Variants in RIMS1 observed in about 807,000 individuals in gnomAD.
RIMS1 encodes the protein regulating synaptic membrane exocytosis protein 1.
RIMS1 carries 83 observed loss-of-function variants against 214.1 expected under a neutral mutation model. The ratio of observed to expected loss-of-function variants is 0.39; its 90% confidence interval spans 0.32 to 0.47. The LOEUF (loss-of-function observed/expected upper bound fraction) is 0.47, where lower values mean the gene tolerates loss of function less well. RIMS1 is among the 20% of genes least tolerant of loss of function. RIMS1 has a pLI of 0.99. For missense variants in RIMS1, 2,050 were observed against 2,161.8 expected (o/e 0.95, Z 1.03); for synonymous variants, 793 against 786.8 (o/e 1.01, Z -0.13).
intron 1 of RIMS1, among the ~76,000 whole-genome samples, chr6:71,962,888 A>G (rs1258833261): frequency 6.6e-6 from 1 of 151,986 alleles, no homozygotes; most frequent in African/African-American, 2.4e-5. Flanking sequence ...TTTGTCTTGC[A>G]TTTCACATTT....
intron 4 of RIMS1, among the ~76,000 whole-genome samples, chr6:72,148,343 T>C (rs1450674371): frequency 6.6e-6 from 1 of 152,214 alleles, no homozygotes; most frequent in Non-Finnish European, 1.5e-5. Flanking sequence ...CATCCCTTTG[T>C]TCCTTTCTCT....
chr6:71,920,850 G>A (rs1461265895), intron 1 of RIMS1, among the ~76,000 whole-genome samples: 1 of 152,138 alleles, frequency 6.6e-6, no homozygotes, highest in Non-Finnish European at 1.5e-5. Context: ...GAAAGAGAAA[G>A]GTACCCACTG....
At chr6:72,219,746 T>G (rs961612432) in intron 6 of RIMS1, among the ~76,000 whole-genome samples, 5 of 152,028 alleles carry the variant, frequency 3.3e-5, no homozygotes, top group African/African-American at 1.2e-4. Flanking sequence ...TAGAGAATGC[T>G]TAGCCCTTGA....
At chr6:72,294,482 A>T (rs569675182) in intron 26 of RIMS1, among the ~76,000 whole-genome samples, 1 of 151,770 alleles carries the variant, frequency 6.6e-6, no homozygotes, top group African/African-American at 2.4e-5. Context: ...TAAGCAGCTG[A>T]TTGGTAAGAA....
chr6:72,119,097 C>T (rs1289089014), intron 4 of RIMS1, among the ~76,000 whole-genome samples: 1 of 151,692 alleles, frequency 6.6e-6, no homozygotes, highest in Non-Finnish European at 1.5e-5. Context: ...CCAAAAAGCT[C>T]CTAGAGCTTA....
intron 2 of RIMS1, among the ~76,000 whole-genome samples, chr6:72,064,274 T>C (rs1329636409): frequency 6.6e-6 from 1 of 150,582 alleles, no homozygotes; most frequent in Admixed American, 6.6e-5. Flanking sequence ...GCTGAGATCG[T>C]GCCATTGCAC....
chr6:72,135,634 G>T (rs963773674), intron 4 of RIMS1, among the ~76,000 whole-genome samples: 1 of 152,078 alleles, frequency 6.6e-6, no homozygotes. Context: ...AAACTGACGT[G>T]GAAAGGAGAA....
intron 29 of RIMS1, among the ~76,000 whole-genome samples, chr6:72,368,562 T>G (rs968173981): frequency 3.3e-5 from 5 of 151,928 alleles, no homozygotes; most frequent in Non-Finnish European, 5.9e-5. Context: ...CACTTTGGGC[T>G]TCTTTGAAGA....
intron 2 of RIMS1, among the ~76,000 whole-genome samples, chr6:72,048,668 T>C (rs1023484139): frequency 2.0e-5 from 3 of 152,184 alleles, no homozygotes; most frequent in Non-Finnish European, 2.9e-5. Flanking sequence ...ATAGGTTAAA[T>C]GTAAAAATGT....
rs902039564 is a variant in RIMS1, at chr6:72,347,051, T to A, written c.4366+13216T>A. On this transcript the variant is annotated intron_variant, in intron 29 of 33. Coordinates refer to ENST00000521978, the MANE Select transcript of RIMS1 (RefSeq NM_014989.7). ...AGTTAATTTACCCTACTTCCATGAC[T>A]TTATTTTTTTCCATATACCTGTCAT... Among the ~76,000 whole-genome samples the A allele has an allele frequency of 3.9e-5, 6 of 151,978 alleles. No homozygotes were observed. In the East Asian group the frequency reaches 1.2e-3, roughly 29 times the overall value.
At chr6:72,258,403 A>G in intron 17 of RIMS1, 122 bp downstream of exon 17, 1 of 1,086,536 alleles carries the variant, frequency 9.2e-7, no homozygotes, top group Non-Finnish European at 1.3e-6. Context: ...TTCAGAATTA[A>G]TTGTAGGCAA....
chr6:72,038,160 A>G (rs1440473869), intron 2 of RIMS1, among the ~76,000 whole-genome samples: 1 of 116,276 alleles, frequency 8.6e-6, no homozygotes, highest in Non-Finnish European at 1.8e-5. Context: ...TATAAAATCT[A>G]TGTATAACTT....
Position 72,266,013 on chromosome 6 carries a change from G to A in RIMS1, c.3362G>A (p.Arg1121Lys). The change falls in exon 22 of 34, where the codon AGA becomes AAA. Residue 1121 changes from arginine (R) to lysine (K), a missense_variant. Around this residue, in one of 6 missense-constraint regions of RIMS1, gnomAD observed 889 missense variants for 885.5 expected, o/e 1.00. Coordinates refer to ENST00000521978, the MANE Select transcript of RIMS1 (RefSeq NM_014989.7). ...AGGAGTGCTAGTACCAACTGCTTGAGACCAGATACTAGTTTGCATTCACCA... is the reference window on the plus strand; with the variant it reads ...AGGAGTGCTAGTACCAACTGCTTGAAACCAGATACTAGTTTGCATTCACCA... ...RARSASTNCL[R>K]PDTSLHSPER... is the part of the protein sequence containing the mutation. 1 of 1,585,034 alleles carries A rather than the reference G, an allele frequency of 6.3e-7. No individual in the cohort carries two copies. Among genetic ancestry groups the A allele is most frequent in the Non-Finnish European group, 8.6e-7 (1 of 1,164,446 alleles).
chr6:72,368,097 T>C (rs2154397505), intron 29 of RIMS1, among the ~76,000 whole-genome samples: 1 of 152,246 alleles, frequency 6.6e-6, no homozygotes, highest in Non-Finnish European at 1.5e-5. Context: ...AAAGGAATCT[T>C]AACATCTATT....
chr6:72,021,527 G>A (rs1814681767), intron 2 of RIMS1, among the ~76,000 whole-genome samples: 2 of 152,150 alleles, frequency 1.3e-5, no homozygotes, highest in South Asian at 4.1e-4. Flanking sequence ...AATAGCAGCA[G>A]CATGTAGTAA....
chr6:72,392,365 C>T (rs2098715339), intron 30 of RIMS1, among the ~76,000 whole-genome samples: 1 of 152,146 alleles, frequency 6.6e-6, no homozygotes, highest in Non-Finnish European at 1.5e-5. Flanking sequence ...GAGCAAGTAT[C>T]TGTGTGAAGT....
At chr6:72,391,957 T>C (rs1050925243) in intron 30 of RIMS1, among the ~76,000 whole-genome samples, 3 of 152,224 alleles carry the variant, frequency 2.0e-5, no homozygotes, top group Non-Finnish European at 4.4e-5. Context: ...CTGTGTCCCA[T>C]TTAATTTCCT....
At chr6:72,016,572 T>A (rs1205048602) in intron 2 of RIMS1, among the ~76,000 whole-genome samples, 13 of 152,198 alleles carry the variant, frequency 8.5e-5, no homozygotes, top group Admixed American at 5.9e-4. Context: ...TAATTGCTCC[T>A]TGGATTGTTG....
intron 29 of RIMS1, among the ~76,000 whole-genome samples, chr6:72,354,494 T>C (rs1278414964): frequency 6.6e-6 from 1 of 152,240 alleles, no homozygotes; most frequent in Non-Finnish European, 1.5e-5. Flanking sequence ...TTGTAATGAT[T>C]ACAGAGCACA....
Sources: gnomAD v4.1 joint callset for allele counts (sites outside exome capture counted in the v4.1 genomes callset) on GRCh38, gnomAD v4.1.1 for gene constraint, gnomAD v4.1.1 regional missense constraint, MANE v1.5 for transcripts, NCBI Gene and HGNC (gene_info 2026-07-23, HGNC 2026-07-21) for gene names.